Variants in PALM2AKAP2 observed in about 807,000 individuals in gnomAD.
The protein encoded by PALM2AKAP2 is PALM2 and AKAP2 fusion.
In PALM2AKAP2, 37 loss-of-function variants were observed where a neutral mutation model predicts 71.5. The ratio of observed to expected loss-of-function variants is 0.52; its 90% CI spans 0.40 to 0.68. The LOEUF (loss-of-function observed/expected upper bound fraction) is 0.68. Among genes scored for constraint, PALM2AKAP2 ranks in the 30% least tolerant of loss-of-function variants. The pLI is 0.00. For missense variants in PALM2AKAP2, 1,224 were observed against 1,191.8 expected, an observed-to-expected ratio of 1.03 and a Z score of -0.40; for synonymous variants, 468 against 478.8, an observed-to-expected ratio of 0.98 and a Z score of 0.29.
At chr9:110,065,691 A>G (rs528416773) in intron 1 of PALM2AKAP2, among the ~76,000 whole-genome samples, 17 of 152,216 alleles carry the variant, frequency 1.1e-4, no homozygotes, top group Non-Finnish European at 2.4e-4. Context: ...GTATGCATTA[A>G]GCAATAACTA....
intron 1 of PALM2AKAP2, among the ~76,000 whole-genome samples, chr9:110,120,804 C>A (rs1338508802): frequency 6.6e-6 from 1 of 152,210 alleles, no homozygotes; most frequent in Non-Finnish European, 1.5e-5. Flanking sequence ...TGCGCCCGGG[C>A]CAAAAGCCTG....
chr9:109,882,648 C>CT lies in PALM2AKAP2; in HGVS notation c.257+1977dup, dbSNP rs1304219109. Among the ~76,000 whole-genome samples, 991 of 147,858 alleles carry CT rather than the reference C, an allele frequency of 6.7e-3. 5 individuals carry two copies. Among genetic ancestry groups the CT allele is most frequent in the African/African-American group, 0.02 (821 of 40,360 alleles). ...ACCTTTTCTATTTTTCTTTTTGTTT[C>CT]TTTTTTTTTTAAGAGATGAGATCTC... On this transcript the variant is annotated intron_variant, in intron 3 of 9. Coordinates refer to the PALM2AKAP2 transcript ENST00000302798.
rs16914354 is a variant in PALM2AKAP2 at position 109,699,255 on chromosome 9, T to G, written c.5+58389T>G. On this transcript the variant is annotated intron_variant, in intron 1 of 6. Coordinates refer to the PALM2AKAP2 transcript ENST00000374531. ...ATTACCTTATGAAGCAAGAATGTAG[T>G]TGAAAAGATTCAACACAGCTGTTAG... Among the ~76,000 whole-genome samples, 1,487 of 152,324 alleles carry G rather than the reference T, an allele frequency of 9.8e-3. 21 individuals carry two copies. Among genetic ancestry groups the G allele is most frequent in the African/African-American group, 0.033 (1,386 of 41,574 alleles).
At chr9:109,889,128 G>A (rs543215173) in intron 3 of PALM2AKAP2, among the ~76,000 whole-genome samples, 2 of 152,294 alleles carry the variant, frequency 1.3e-5, no homozygotes, top group South Asian at 4.2e-4. Context: ...ATGACAAAGT[G>A]TTTCAGTTAC....
chr9:109,940,492 A>G (rs972569336), intron 6 of PALM2AKAP2, among the ~76,000 whole-genome samples: 4 of 152,176 alleles, frequency 2.6e-5, no homozygotes, highest in African/African-American at 7.2e-5. Flanking sequence ...AGCAGAAGAT[A>G]TTTACGTCTG....
At chr9:109,704,481 G>A (rs1273278692) in intron 1 of PALM2AKAP2, among the ~76,000 whole-genome samples, 3 of 152,196 alleles carry the variant, frequency 2.0e-5, no homozygotes, top group Non-Finnish European at 4.4e-5. Flanking sequence ...TCATTGTAGG[G>A]AGAAAAAGTT....
intron 3 of PALM2AKAP2, among the ~76,000 whole-genome samples, chr9:109,889,400 G>T (rs145243405): frequency 4.5e-4 from 68 of 152,308 alleles, no homozygotes; most frequent in African/African-American, 1.6e-3. Flanking sequence ...AAGCCTGAAA[G>T]TGACAGGAAA....
intron 1 of PALM2AKAP2, among the ~76,000 whole-genome samples, chr9:109,842,782 A>G (rs916232923): frequency 3.3e-5 from 5 of 152,174 alleles, no homozygotes; most frequent in Non-Finnish European, 5.9e-5. Context: ...TGGGAGGCCA[A>G]GGTGGGAGGA....
intron 1 of PALM2AKAP2, among the ~76,000 whole-genome samples, chr9:109,753,881 G>A (rs1203828758): frequency 6.6e-6 from 1 of 152,012 alleles, no homozygotes; most frequent in Non-Finnish European, 1.5e-5. Flanking sequence ...AATGATACAA[G>A]TTTATTGTAG....
upstream of PALM2AKAP2, among the ~76,000 whole-genome samples, chr9:110,044,604 G>A (rs530136664): frequency 2.1e-4 from 31 of 151,098 alleles, no homozygotes; most frequent in South Asian, 4.2e-4. Flanking sequence ...CACCCGCTTC[G>A]GCCTCCCAAA....
intron 1 of PALM2AKAP2, among the ~76,000 whole-genome samples, chr9:110,111,142 A>G (rs1489447594): frequency 8.8e-6 from 1 of 113,928 alleles, no homozygotes; most frequent in African/African-American, 3.5e-5. Context: ...CCCAGGCTGG[A>G]GTACAGTGGC....
At chr9:110,020,433 A>C (rs538582752) in intron 7 of PALM2AKAP2, among the ~76,000 whole-genome samples, 1 of 152,236 alleles carries the variant, frequency 6.6e-6, no homozygotes, top group South Asian at 2.1e-4. Flanking sequence ...CTGTAATCCT[A>C]GCACTGTGGG....
In PALM2AKAP2 at chr9:109,889,812, T is replaced by G. The variant is rs149115940; in HGVS notation, c.257+9131T>G. The stretch of plus-strand genomic sequence containing the variant: ...ATTGGGTTTATAGTGCCCAGAACTA[T>G]GAAAATAGTAGTTGAATTTCTTCCA... On this transcript the variant is annotated intron_variant, in intron 3 of 9. Coordinates refer to the PALM2AKAP2 transcript ENST00000302798. Among the ~76,000 whole-genome samples the G allele has an allele frequency of 1.8e-3, 273 of 152,312 alleles. 2 individuals carry two copies. The highest frequency in any genetic ancestry group is 6.5e-3 in the African/African-American group (269 of 41,574).
At chr9:109,684,447 C>G (rs1276555402) in intron 1 of PALM2AKAP2, among the ~76,000 whole-genome samples, 1 of 152,142 alleles carries the variant, frequency 6.6e-6, no homozygotes, top group African/African-American at 2.4e-5. Flanking sequence ...AGGTAACACA[C>G]CTCATTGGAG....
chr9:109,844,965 GCACA>G (rs1204629193), intron 1 of PALM2AKAP2, among the ~76,000 whole-genome samples: 2 of 148,924 alleles, frequency 1.3e-5, no homozygotes, highest in Admixed American at 6.6e-5. Context: ...GTGTGCATGT[GCACA>G]CACGCATGCA....
intron 7 of PALM2AKAP2, among the ~76,000 whole-genome samples, chr9:110,021,000 G>A (rs1013091786): frequency 6.6e-6 from 1 of 152,010 alleles, no homozygotes. Flanking sequence ...CAGCTACTCC[G>A]GAGGCTGAAG....
chr9:109,995,260 G>A (rs1046408650), intron 6 of PALM2AKAP2, among the ~76,000 whole-genome samples: 1 of 152,150 alleles, frequency 6.6e-6, no homozygotes, highest in Non-Finnish European at 1.5e-5. Context: ...GCCTCATGTA[G>A]TAAGAAAAGG....
exon 2 of PALM2AKAP2, chr9:110,138,500 C>T: frequency 6.2e-7 from 1 of 1,612,808 alleles, no homozygotes; most frequent in Non-Finnish European, 8.5e-7. Flanking sequence ...AAAGAATGCC[C>T]CATCACTGCC....
rs115577697 is a variant in PALM2AKAP2, at chr9:109,730,588, C to A, written c.6-49900C>A. 5.0e-3 allele frequency among the ~76,000 whole-genome samples: 765 copies of A among 152,248 alleles called. 9 individuals carry two copies. Among genetic ancestry groups the A allele is most frequent in the African/African-American group, 0.017 (721 of 41,550 alleles). On this transcript the variant is annotated intron_variant, in intron 1 of 6. Transcript: ENST00000374531. ...TCTTTGGCTGATTGCTGTGTTTTTGCCAGTAGTGTACTTCTGACAGTTTGG... is the reference window on the plus strand; with the variant it reads ...TCTTTGGCTGATTGCTGTGTTTTTGACAGTAGTGTACTTCTGACAGTTTGG...
Sources: allele counts gnomAD v4.1 joint callset (sites outside exome capture counted in the v4.1 genomes callset), GRCh38; gene constraint gnomAD v4.1.1; transcripts MANE v1.5; gene names NCBI Gene and HGNC (gene_info 2026-07-23, HGNC 2026-07-21).